Variants in KCNIP4 observed in about 807,000 individuals in gnomAD.
KCNIP4 encodes potassium voltage-gated channel interacting protein 4, also known as Kv channel-interacting protein 4.
In KCNIP4, 12 loss-of-function variants were observed where a neutral mutation model predicts 34.0. The observed-to-expected ratio is 0.35, with a 90% CI of 0.23 to 0.57. The LOEUF (loss-of-function observed/expected upper bound fraction) is 0.57, where lower values mean the gene tolerates loss of function less well. KCNIP4 is among the 20% of genes least tolerant of loss of function. The pLI, the probability that KCNIP4 is intolerant of heterozygous loss-of-function variation, is 0.83. For synonymous variants in KCNIP4, 124 were observed against 102.2 expected (o/e 1.21, Z -1.29); for missense variants, 238 against 311.7 (o/e 0.76, Z 1.78).
chr4:21,898,565 A>G (rs547400536), intron 1 of KCNIP4, among the ~76,000 whole-genome samples: 1 of 152,162 alleles, frequency 6.6e-6, no homozygotes, highest in Non-Finnish European at 1.5e-5. Context: ...CCTTGAATGG[A>G]AAGAGCCAGT....
intron 2 of KCNIP4, among the ~76,000 whole-genome samples, chr4:20,876,928 A>G (rs553750089): frequency 6.6e-6 from 1 of 152,300 alleles, no homozygotes; most frequent in South Asian, 2.1e-4. Flanking sequence ...TCTTAGTGTG[A>G]CTGACTCTAG....
chr4:21,141,764 T>C (rs1322186659), intron 1 of KCNIP4, among the ~76,000 whole-genome samples: 1 of 151,934 alleles, frequency 6.6e-6, no homozygotes, highest in East Asian at 1.9e-4. Context: ...CATTCAACAA[T>C]AAAATCTCTT....
At chr4:21,743,303 AC>A (rs895879372) in intron 1 of KCNIP4, among the ~76,000 whole-genome samples, 1 of 152,050 alleles carries the variant, frequency 6.6e-6, no homozygotes, top group African/African-American at 2.4e-5. Flanking sequence ...TCTAGAGGCC[AC>A]CCACATTCCT....
At chr4:21,178,968 C>T (rs917481677) in intron 1 of KCNIP4, among the ~76,000 whole-genome samples, 2 of 152,018 alleles carry the variant, frequency 1.3e-5, no homozygotes, top group Non-Finnish European at 2.9e-5. Context: ...CAGGTTGCAC[C>T]ACCATGCCCA....
At chr4:21,522,693 C>A (rs1358528581) in intron 1 of KCNIP4, among the ~76,000 whole-genome samples, 2 of 151,918 alleles carry the variant, frequency 1.3e-5, no homozygotes, top group Non-Finnish European at 2.9e-5. Flanking sequence ...CTACTAGTTA[C>A]TACCTGTCCA....
intron 1 of KCNIP4, among the ~76,000 whole-genome samples, chr4:20,886,246 T>A (rs1224484605): frequency 2.0e-5 from 3 of 152,030 alleles, no homozygotes; most frequent in Admixed American, 6.5e-5. Context: ...AGAAGAAAAA[T>A]CCCAGAGGTG....
chr4:21,389,152 AT>A (rs1360567146), intron 1 of KCNIP4, among the ~76,000 whole-genome samples: 5 of 151,538 alleles, frequency 3.3e-5, no homozygotes, highest in South Asian at 2.1e-4. Flanking sequence ...TACCTAACTA[AT>A]TTTTTTTATA....
At position 21,535,811 on chromosome 4, in the gene KCNIP4, A is replaced by G. The variant is rs1737115646; in HGVS notation, c.61+412760T>C. 1.3e-5 allele frequency among the ~76,000 whole-genome samples: 2 copies of G among 152,090 alleles called. 1 individual carries two copies. The highest frequency in any genetic ancestry group is 2.9e-5 in the Non-Finnish European group (2 of 68,022). ...TACATATTATATTTATTTCCATCCT[A>G]AGGTTTTTCAAAGATAGGCATGTGG... On this transcript the variant is annotated intron_variant, in intron 1 of 8. Coordinates refer to ENST00000382152, the MANE Select transcript of KCNIP4 (RefSeq NM_025221.6).
intron 1 of KCNIP4, chr4:21,852,473 G>A (rs1046631022): frequency 6.6e-6 from 1 of 152,138 alleles, no homozygotes; most frequent in South Asian, 2.1e-4. Flanking sequence ...ATTAGAAATG[G>A]TCTAAATTGA....
chr4:21,472,325 G>C (rs1169246811), intron 1 of KCNIP4, among the ~76,000 whole-genome samples: 2 of 151,970 alleles, frequency 1.3e-5, no homozygotes, highest in Non-Finnish European at 2.9e-5. Context: ...GAGCAAATAG[G>C]GGGATAGAAC....
At chr4:21,131,542 G>A (rs978354012) in intron 1 of KCNIP4, among the ~76,000 whole-genome samples, 4 of 152,088 alleles carry the variant, frequency 2.6e-5, no homozygotes, top group Admixed American at 6.5e-5. Flanking sequence ...CCCGGGAGGC[G>A]GAGCTTGCAG....
chr4:20,759,548 T>C (rs1320709447), intron 3 of KCNIP4, among the ~76,000 whole-genome samples: 1 of 152,108 alleles, frequency 6.6e-6, no homozygotes, highest in Non-Finnish European at 1.5e-5. Context: ...ATGATGGACA[T>C]TGATCTTGGG....
chr4:20,999,849 G>A (rs1003966909), intron 1 of KCNIP4, among the ~76,000 whole-genome samples: 1 of 152,060 alleles, frequency 6.6e-6, no homozygotes, highest in Non-Finnish European at 1.5e-5. Context: ...CAGTATAAAA[G>A]ACTAACAAAG....
At chr4:21,841,982 G>A (rs796066891) in intron 1 of KCNIP4, among the ~76,000 whole-genome samples, 2 of 152,242 alleles carry the variant, frequency 1.3e-5, no homozygotes, top group African/African-American at 4.8e-5. Context: ...CACTGGAAAT[G>A]CTCCTCCTTT....
At chr4:20,825,802 A>T (rs539394902) in intron 3 of KCNIP4, among the ~76,000 whole-genome samples, 1 of 152,318 alleles carries the variant, frequency 6.6e-6, no homozygotes, top group East Asian at 1.9e-4. Flanking sequence ...CCTAAGGAAC[A>T]GAAGTGCGTA....
intron 1 of KCNIP4, among the ~76,000 whole-genome samples, chr4:21,574,236 A>G (rs971319270): frequency 1.1e-4 from 16 of 152,176 alleles, no homozygotes; most frequent in African/African-American, 3.6e-4. Flanking sequence ...TTTATCGTGT[A>G]CCTGAAATTT....
intron 1 of KCNIP4, among the ~76,000 whole-genome samples, chr4:21,216,540 G>C (rs1757589622): frequency 6.6e-6 from 1 of 152,162 alleles, no homozygotes; most frequent in African/African-American, 2.4e-5. Flanking sequence ...GAAGACACGG[G>C]GAGGAAGATA....
chr4:21,519,910 G>A (rs1735378590), intron 1 of KCNIP4, among the ~76,000 whole-genome samples: 1 of 148,530 alleles, frequency 6.7e-6, no homozygotes, highest in Non-Finnish European at 1.5e-5. Flanking sequence ...AATTTTATAT[G>A]TATAGTTAAG....
chr4:21,112,225 C>T (rs1014283569), intron 1 of KCNIP4, among the ~76,000 whole-genome samples: 7 of 152,068 alleles, frequency 4.6e-5, no homozygotes, highest in Non-Finnish European at 1.0e-4. Context: ...CTTGAGGAAC[C>T]CAAAGATCAA....
Sources: allele counts gnomAD v4.1 joint callset (sites outside exome capture counted in the v4.1 genomes callset), GRCh38; gene constraint gnomAD v4.1.1; transcripts MANE v1.5; gene names NCBI Gene and HGNC (gene_info 2026-07-23, HGNC 2026-07-21).